Variants in ZBTB7C observed in about 807,000 individuals in gnomAD.
ZBTB7C encodes zinc finger and BTB domain-containing protein 7C.
A neutral mutation model predicts 25.7 loss-of-function variants in ZBTB7C; 8 were observed. That is an observed-to-expected ratio of 0.31 (90% CI 0.18 to 0.56). The LOEUF (loss-of-function observed/expected upper bound fraction) is 0.56, where lower values mean the gene tolerates loss of function less well. Ranked by LOEUF, ZBTB7C falls within the 20% of genes least tolerant of loss-of-function variation. The pLI is 0.91. For missense variants in ZBTB7C, 824 were observed against 855.2 expected (o/e 0.96, Z 0.46); for synonymous variants, 394 against 369.0 (o/e 1.07, Z -0.78).
chr18:48,248,205 C>T (rs558303718), intron 2 of ZBTB7C, among the ~76,000 whole-genome samples: 17 of 152,068 alleles, frequency 1.1e-4, no homozygotes, highest in South Asian at 8.3e-4. Context: ...TTATTTGCAG[C>T]GTGAGGACAG....
chr18:48,344,195 G>A (rs2046671743), intron 1 of ZBTB7C, among the ~76,000 whole-genome samples: 1 of 152,160 alleles, frequency 6.6e-6, no homozygotes, highest in Admixed American at 6.5e-5. Context: ...TGTTGGCCAG[G>A]CTGGTCTTGA....
intron 3 of ZBTB7C, among the ~76,000 whole-genome samples, chr18:48,160,383 T>C (rs2040969718): frequency 6.6e-6 from 1 of 152,158 alleles, no homozygotes. Flanking sequence ...TACCCTAAAA[T>C]TAAAGCACAG....
In ZBTB7C at chr18:48,390,841, C is replaced by T. The variant is rs115051972; in HGVS notation, c.-304+18385G>A. ...TGGCGGCTGGAGAGGGCTGTGCAGT[C>T]ACTGGGTCTCCCTCTCCTCTGCCTG... On this transcript the variant is annotated intron_variant, in intron 1 of 4. Coordinates refer to ENST00000590800, the MANE Select transcript of ZBTB7C (RefSeq NM_001318841.2). Among the ~76,000 whole-genome samples the T allele has an allele frequency of 3.1e-3, 468 of 152,322 alleles. 2 individuals are homozygous for T. The highest frequency in any genetic ancestry group is 0.01 in the African/African-American group (427 of 41,576).
chr18:48,212,382 C>CTGTATGTTACTGTTATGATG (rs2042722335), intron 2 of ZBTB7C, among the ~76,000 whole-genome samples: 1 of 152,064 alleles, frequency 6.6e-6, no homozygotes. Flanking sequence ...TGAAACTGCT[C>CTGTATGTTACTGTTATGATG]TGTATGTTAC....
At chr18:48,074,588 T>G (rs58319600) in intron 3 of ZBTB7C, among the ~76,000 whole-genome samples, 1 of 152,216 alleles carries the variant, frequency 6.6e-6, no homozygotes, top group Non-Finnish European at 1.5e-5. Flanking sequence ...GCTGCTTCCT[T>G]GCACCTTTCT....
intron 2 of ZBTB7C, among the ~76,000 whole-genome samples, chr18:48,191,645 G>A (rs1459711006): frequency 6.6e-6 from 1 of 152,142 alleles, no homozygotes; most frequent in African/African-American, 2.4e-5. Context: ...AGTACTTCTG[G>A]GGCTAGTGGG....
intron 2 of ZBTB7C, among the ~76,000 whole-genome samples, chr18:48,336,002 C>T (rs1272657871): frequency 1.3e-5 from 2 of 152,202 alleles, no homozygotes; most frequent in Admixed American, 6.5e-5. Flanking sequence ...GCCTTGGCTT[C>T]TTGCACACCC....
intron 1 of ZBTB7C, among the ~76,000 whole-genome samples, chr18:48,358,249 G>A (rs1170179438): frequency 2.0e-5 from 3 of 152,208 alleles, no homozygotes; most frequent in Non-Finnish European, 4.4e-5. Flanking sequence ...CTACTTGGGT[G>A]GCTGAGGCAG....
At chr18:48,287,420 A>G (rs2045089672) in intron 2 of ZBTB7C, among the ~76,000 whole-genome samples, 3 of 152,254 alleles carry the variant, frequency 2.0e-5, no homozygotes, top group Admixed American at 2.0e-4. Flanking sequence ...ACACTGAATC[A>G]GTAATTTAAA....
chr18:48,083,529 T>C (rs1341718273), intron 3 of ZBTB7C, among the ~76,000 whole-genome samples: 5 of 151,796 alleles, frequency 3.3e-5, no homozygotes, highest in African/African-American at 1.2e-4. Context: ...AAGGGAAGGG[T>C]ACGCTGGAGA....
chr18:48,406,691 C>T (rs1305981467), intron 1 of ZBTB7C, among the ~76,000 whole-genome samples: 1 of 152,232 alleles, frequency 6.6e-6, no homozygotes, highest in South Asian at 2.1e-4. Flanking sequence ...CAACTCTGCA[C>T]TAGCCTTGAA....
At chr18:48,167,977 A>T (rs1030325619) in intron 3 of ZBTB7C, among the ~76,000 whole-genome samples, 1 of 152,200 alleles carries the variant, frequency 6.6e-6, no homozygotes, top group Non-Finnish European at 1.5e-5. Context: ...GAGTGTGGGG[A>T]AGAGAGAAGG....
intron 1 of ZBTB7C, among the ~76,000 whole-genome samples, chr18:48,395,277 GTGT>G (rs1355995071): frequency 2.7e-5 from 1 of 37,368 alleles, no homozygotes; most frequent in Non-Finnish European, 6.3e-5. Flanking sequence ...GTGTGTGTGT[GTGT>G]GTGTGTGTGT....
At chr18:48,227,086 C>T (rs866403494) in intron 2 of ZBTB7C, among the ~76,000 whole-genome samples, 1 of 151,918 alleles carries the variant, frequency 6.6e-6, no homozygotes, top group Non-Finnish European at 1.5e-5. Flanking sequence ...CTCTTTAGCC[C>T]TAAAGCACAG....
chr18:48,043,223 A>G (rs905656203), intron 3 of ZBTB7C, among the ~76,000 whole-genome samples: 5 of 152,346 alleles, frequency 3.3e-5, no homozygotes, highest in African/African-American at 1.2e-4. Context: ...TGACCCAGCA[A>G]TTGAATTCTT....
chr18:48,343,747 G>A (rs1052032915), intron 1 of ZBTB7C, among the ~76,000 whole-genome samples: 2 of 152,150 alleles, frequency 1.3e-5, no homozygotes, highest in African/African-American at 4.8e-5. Flanking sequence ...TTTTCAATCT[G>A]CATCATCTGC....
intron 3 of ZBTB7C, among the ~76,000 whole-genome samples, chr18:48,139,103 CAGG>C (rs1228310940): frequency 6.6e-6 from 1 of 151,892 alleles, no homozygotes; most frequent in Non-Finnish European, 1.5e-5. Context: ...GACAGGGCTA[CAGG>C]AGGAGTGGGG....
intron 2 of ZBTB7C, among the ~76,000 whole-genome samples, chr18:48,277,450 C>T (rs992513856): frequency 7.2e-5 from 11 of 152,236 alleles, no homozygotes; most frequent in Admixed American, 3.3e-4. Flanking sequence ...CTATGAGATA[C>T]CATCTCACAC....
At chr18:48,095,873 C>T (rs1010060659) in intron 3 of ZBTB7C, among the ~76,000 whole-genome samples, 3 of 152,156 alleles carry the variant, frequency 2.0e-5, no homozygotes, top group African/African-American at 7.2e-5. Flanking sequence ...GGGCAAAATC[C>T]CCTGGCTTGT....
Sources: allele counts gnomAD v4.1 joint callset (sites outside exome capture counted in the v4.1 genomes callset), GRCh38; gene constraint gnomAD v4.1.1; transcripts MANE v1.5; gene names NCBI Gene and HGNC (gene_info 2026-07-23, HGNC 2026-07-21).